BANF2: variants seen among roughly 807,000 people sequenced by gnomAD.
The protein encoded by BANF2 is BANF family member 2.
Under a neutral mutation model 8.0 loss-of-function variants are expected in BANF2, and 4 were observed. That is an observed-to-expected ratio of 0.50 (90% CI 0.25 to 1.14). The LOEUF is 1.14. BANF2 is among the 50% of genes most tolerant of loss of function. The pLI, the probability that BANF2 is intolerant of heterozygous loss-of-function variation, is 0.16. For synonymous variants in BANF2, 50 were observed against 40.6 expected (o/e 1.23, Z -0.88); for missense variants, 96 against 107.5 (o/e 0.89, Z 0.47).
chr20:17,733,577 G>A (rs991440216), intron 3 of BANF2, among the ~76,000 whole-genome samples: 7 of 151,968 alleles, frequency 4.6e-5, no homozygotes, highest in Admixed American at 2.0e-4. Context: ...CCACACCTAC[G>A]TCTACTGGCT....
chr20:17,703,827 C>G (rs774676816), intron 1 of BANF2, among the ~76,000 whole-genome samples: 34 of 151,002 alleles, frequency 2.3e-4, no homozygotes, highest in Non-Finnish European at 4.7e-4. Flanking sequence ...CTGCAACCTC[C>G]GCCTCCCAAT....
intron 3 of BANF2, among the ~76,000 whole-genome samples, chr20:17,732,301 G>A (rs560231007): frequency 5.9e-5 from 9 of 152,314 alleles, no homozygotes; most frequent in African/African-American, 4.8e-5. Context: ...CTTGGGGGCC[G>A]GCCCCTGGAG....
upstream of BANF2, among the ~76,000 whole-genome samples, chr20:17,698,737 T>TG (rs746956457): frequency 6.6e-6 from 1 of 152,230 alleles, no homozygotes; most frequent in African/African-American, 2.4e-5. Flanking sequence ...CAAGAGGCTA[T>TG]GGGCAGGGCA....
At chr20:17,700,789 C>T (rs1466124672) in intron 1 of BANF2, among the ~76,000 whole-genome samples, 2 of 152,178 alleles carry the variant, frequency 1.3e-5, no homozygotes, top group East Asian at 3.9e-4. Context: ...AGACTCAAGG[C>T]CTTCTATAAC....
At chr20:17,724,256 G>A (rs1184673577) in intron 2 of BANF2, among the ~76,000 whole-genome samples, 1 of 152,214 alleles carries the variant, frequency 6.6e-6, no homozygotes, top group African/African-American at 2.4e-5. Context: ...CCTGGGGCCT[G>A]CAATCTAAAG....
At chr20:17,706,901 G>A (rs1436035044) in intron 1 of BANF2, among the ~76,000 whole-genome samples, 3 of 152,214 alleles carry the variant, frequency 2.0e-5, no homozygotes, top group East Asian at 1.9e-4. Flanking sequence ...AGTAGACGCT[G>A]TGAGCAGGAT....
At chr20:17,711,936 G>T (rs1235719143) in intron 1 of BANF2, among the ~76,000 whole-genome samples, 1 of 152,214 alleles carries the variant, frequency 6.6e-6, no homozygotes, top group Non-Finnish European at 1.5e-5. Flanking sequence ...GTTGGGAGGT[G>T]CGGTCTCCTT....
intron 3 of BANF2, among the ~76,000 whole-genome samples, chr20:17,732,428 A>G (rs2037912025): frequency 6.6e-6 from 1 of 152,224 alleles, no homozygotes; most frequent in South Asian, 2.1e-4. Flanking sequence ...GTGCAGTGGC[A>G]TAATCTCAGC....
At chr20:17,726,998 G>A (rs1288290217) in intron 3 of BANF2, among the ~76,000 whole-genome samples, 1 of 152,094 alleles carries the variant, frequency 6.6e-6, no homozygotes, top group Non-Finnish European at 1.5e-5. Context: ...CTCAGTCCCT[G>A]GCAACCACTG....
intron 1 of BANF2, 109 bp downstream of exon 1, chr20:17,700,164 G>A (rs2277867): frequency 0.36 from 101,213 of 278,472 alleles, 18,540 homozygotes; most frequent in East Asian, 0.43. Context: ...GAGCCAAACC[G>A]GTGGACAGGA....
chr20:17,717,043 T>A (rs1369259980), intron 1 of BANF2, among the ~76,000 whole-genome samples: 1 of 152,072 alleles, frequency 6.6e-6, no homozygotes, highest in Admixed American at 6.5e-5. Context: ...ATTCTTTCTC[T>A]ATGAAACACT....
At chr20:17,709,172 C>T (rs907265698) in intron 1 of BANF2, among the ~76,000 whole-genome samples, 2 of 152,162 alleles carry the variant, frequency 1.3e-5, no homozygotes, top group Admixed American at 6.6e-5. Context: ...TTGAAAGGGT[C>T]TTAAGTAGGT....
Position 17,725,038 on chromosome 20 carries a change from T to C in BANF2, c.13T>C (p.Ser5Pro). ...GCTGTCGCAGGAGATGGACAACATG[T>C]CTCCCAGGCTGAGAGCCTTCCTCTC... Reference protein sequence around the residue: MDNMSPRLRAFLSEP... With the variant: MDNMPPRLRAFLSEP... The change falls in exon 3 of 4, where the codon TCT becomes CCT. Residue 5 changes from serine to proline, a missense_variant. Transcript: ENST00000246090. 1.2e-6 allele frequency: 2 copies of C among 1,607,270 alleles called. No homozygotes were observed. The highest frequency in any genetic ancestry group is 1.7e-6 in the Non-Finnish European group (2 of 1,173,870).
chr20:17,733,609 T>C (rs1355064868), intron 3 of BANF2, among the ~76,000 whole-genome samples: 2 of 152,190 alleles, frequency 1.3e-5, no homozygotes, highest in African/African-American at 4.8e-5. Context: ...TAATAAATGT[T>C]ATTTTTCAAA....
intron 3 of BANF2, among the ~76,000 whole-genome samples, chr20:17,734,619 A>C (rs896943070): frequency 6.6e-6 from 1 of 152,168 alleles, no homozygotes; most frequent in Non-Finnish European, 1.5e-5. Context: ...TTTGCCCCCA[A>C]GGGACATTTG....
chr20:17,725,092 T>C lies in BANF2; in HGVS notation c.67T>C (p.Trp23Arg). ...SEPIGEKDVC[W>R]VDGISHELAI... is the part of the protein sequence containing the mutation. ...ACCCATTGGAGAAAAGGATGTCTGC[T>C]GGGTGGATGGCATCAGCCATGAGCT... is the stretch of plus-strand genomic sequence containing the variant. Residue 23 changes from tryptophan to arginine, a missense_variant, in exon 3 of 4, where the codon TGG becomes CGG. Coordinates refer to ENST00000246090, the MANE Select transcript of BANF2 (RefSeq NM_178477.5). 1 of 1,611,854 alleles carries C rather than the reference T, an allele frequency of 6.2e-7. No individual in the cohort carries two copies. The highest frequency in any genetic ancestry group is 8.5e-7 in the Non-Finnish European group (1 of 1,177,898).
At chr20:17,728,072 A>G (rs1329054094) in intron 3 of BANF2, among the ~76,000 whole-genome samples, 1 of 152,164 alleles carries the variant, frequency 6.6e-6, no homozygotes, top group African/African-American at 2.4e-5. Flanking sequence ...ATCCTGGCAC[A>G]GGGAGGGACA....
At chr20:17,700,958 G>A (rs2037399749) in intron 1 of BANF2, among the ~76,000 whole-genome samples, 1 of 152,198 alleles carries the variant, frequency 6.6e-6, no homozygotes, top group Admixed American at 6.5e-5. Context: ...ACAAAGGAGT[G>A]GCTTCTATAG....
intron 1 of BANF2, among the ~76,000 whole-genome samples, chr20:17,715,735 G>A (rs1397625397): frequency 6.6e-6 from 1 of 152,210 alleles, no homozygotes; most frequent in African/African-American, 2.4e-5. Flanking sequence ...CTTGTTGGAT[G>A]AGTGAGTGAG....
Sources: allele counts gnomAD v4.1 joint callset (sites outside exome capture counted in the v4.1 genomes callset), GRCh38; gene constraint gnomAD v4.1.1; transcripts MANE v1.5; gene names NCBI Gene and HGNC (gene_info 2026-07-23, HGNC 2026-07-21).